CDS2: variants seen among roughly 807,000 people sequenced by gnomAD.
CDS2 encodes phosphatidate cytidylyltransferase 2.
Under a neutral mutation model 59.0 loss-of-function variants are expected in CDS2, and 47 were observed. The observed-to-expected ratio is 0.80, with a 90% CI of 0.63 to 1.02. The LOEUF is 1.02. CDS2 is among the 50% of genes least tolerant of loss of function. The pLI is 0.00. For synonymous variants in CDS2, 207 were observed against 206.4 expected (o/e 1.00, Z -0.02); for missense variants, 356 against 558.9 (o/e 0.64, Z 3.66).
chr20:5,182,254 T>C, intron 5 of CDS2, 133 bp from the exon 6 acceptor site: 2 of 597,944 alleles, frequency 3.3e-6, no homozygotes, highest in Non-Finnish European at 2.8e-6. Context: ...TTTTCTCCCC[T>C]GGGCTTTGAC....
rs11481738 is a variant in CDS2 at position 5,164,628 on chromosome 20, G to GAAA, written c.58-8883_58-8881dup. 1.1e-4 allele frequency among the ~76,000 whole-genome samples: 16 copies of GAAA among 142,814 alleles called. No homozygotes were observed. In the South Asian group the frequency reaches 3.1e-3, roughly 28 times the overall value. 93.7% of individuals were successfully genotyped at this position (142,814 alleles called of 152,430 possible). On this transcript the variant is annotated intron_variant, in intron 1 of 12. Coordinates refer to ENST00000460006, the MANE Select transcript of CDS2 (RefSeq NM_003818.4). Reference sequence around the variant, plus strand: ...TGGGAGAGCTTTATCTTAATAAACTGAAAAAAAAAAAAAATTCCTTCCTTC... The same window carrying GAAA: ...TGGGAGAGCTTTATCTTAATAAACTGAAAAAAAAAAAAAAAAATTCCTTCCTTC...
chr20:5,130,736 T>C (rs914917722), intron 1 of CDS2, among the ~76,000 whole-genome samples: 1 of 148,916 alleles, frequency 6.7e-6, no homozygotes, highest in Non-Finnish European at 1.5e-5. Flanking sequence ...TGAGCCGAGA[T>C]TGCGCCGTTG....
At chr20:5,134,025 A>G (rs2090628844) in intron 1 of CDS2, among the ~76,000 whole-genome samples, 1 of 152,238 alleles carries the variant, frequency 6.6e-6, no homozygotes, top group Non-Finnish European at 1.5e-5. Flanking sequence ...GTCTCAGAGT[A>G]AATGTGGAGA....
At position 5,144,673 on chromosome 20, in the gene CDS2, G is replaced by T. The variant is rs562998318; in HGVS notation, c.57+17524G>T. Among the ~76,000 whole-genome samples, 62 of 152,258 alleles carry T rather than the reference G, an allele frequency of 4.1e-4. 1 individual carries two copies. The highest frequency in any genetic ancestry group is 1.3e-3 in the African/African-American group (54 of 41,548). ...TCCTACATGTTTCTTTGTTAAAAAT[G>T]TTGAGTAAATTTTGAGACAAAATGT... On this transcript the variant is annotated intron_variant, in intron 1 of 12. Transcript: ENST00000460006.
At chr20:5,176,535 G>A in intron 3 of CDS2, 113 bp from the exon 4 acceptor site, 2 of 771,384 alleles carry the variant, frequency 2.6e-6, no homozygotes, top group East Asian at 4.9e-5. Context: ...ACCACTGGAG[G>A]CCCGATATTT....
chr20:5,175,856 C>G (rs1017705024), intron 3 of CDS2, among the ~76,000 whole-genome samples: 2 of 152,152 alleles, frequency 1.3e-5, no homozygotes, highest in Non-Finnish European at 2.9e-5. Flanking sequence ...CTGGGCATGT[C>G]TCTATATGAC....
Position 5,193,261 on chromosome 20 carries a change from A to G in CDS2, c.*3027A>G, listed in dbSNP as rs2091131925. The G allele has an allele frequency of 6.6e-6, 1 of 152,240 alleles. No homozygotes were observed. The highest frequency in any genetic ancestry group is 1.5e-5 in the Non-Finnish European group (1 of 68,052). The allele number at this position is 152,240 out of a possible 1,614,324, so 9.4% of individuals were successfully genotyped here. A position where few individuals can be genotyped will look rare whatever the true frequency, so the allele number is the denominator to read the frequency against. On this transcript the variant is annotated 3_prime_UTR_variant, in exon 13 of 13. Coordinates refer to ENST00000460006, the MANE Select transcript of CDS2 (RefSeq NM_003818.4). ...GAAACCCTCTTAGGCAACTTGTTTC[A>G]TATTCTGGGCATTTTAGTAGCTACA...
At chr20:5,183,319 A>T (rs952203311) in intron 7 of CDS2, 176 bp downstream of exon 7, 5 of 603,882 alleles carry the variant, frequency 8.3e-6, no homozygotes, top group Non-Finnish European at 6.0e-6. Context: ...GATCTGGGGT[A>T]GGCTTGAGAA....
intron 1 of CDS2, among the ~76,000 whole-genome samples, chr20:5,169,134 A>G (rs568968112): frequency 5.3e-5 from 8 of 152,006 alleles, no homozygotes; most frequent in African/African-American, 7.3e-5. Flanking sequence ...CAGCACTACA[A>G]CCCCCTTGGG....
At chr20:5,178,990 T>C in intron 5 of CDS2, 34 bp downstream of exon 5, 1 of 1,604,512 alleles carries the variant, frequency 6.2e-7, no homozygotes. Flanking sequence ...TTCTTGTGTC[T>C]GTATTGTTTT....
At chr20:5,167,500 C>G (rs919759910) in intron 1 of CDS2, among the ~76,000 whole-genome samples, 2 of 152,118 alleles carry the variant, frequency 1.3e-5, no homozygotes, top group African/African-American at 4.8e-5. Context: ...CAACAATATA[C>G]ACACACAAAT....
At position 5,163,786 on chromosome 20, in the gene CDS2, TCTTTC is replaced by T. The variant is rs1203108239; in HGVS notation, c.58-9736_58-9732del. 3.1e-3 allele frequency among the ~76,000 whole-genome samples: 408 copies of T among 133,170 alleles called. 2 individuals carry two copies. The highest frequency in any genetic ancestry group is 0.011 in the African/African-American group (383 of 36,086). The allele number at this position is 133,170 out of a possible 152,430, so 87.4% of individuals were successfully genotyped here. A position where few individuals can be genotyped will look rare whatever the true frequency, so the allele number is the denominator to read the frequency against. On this transcript the variant is annotated intron_variant, in intron 1 of 12. Transcript: ENST00000460006. ...AGCATTGTGGCTTTCATAATTTCTT[TCTTTC>T]TTTTTTTTTTTTTTTTTGAAGCAGA...
chr20:5,154,216 C>A (rs1363035612), intron 1 of CDS2, among the ~76,000 whole-genome samples: 1 of 152,232 alleles, frequency 6.6e-6, no homozygotes, highest in Non-Finnish European at 1.5e-5. Flanking sequence ...AGTCCCATAG[C>A]CCATACCTGG....
At chr20:5,134,133 C>T (rs2090629817) in intron 1 of CDS2, among the ~76,000 whole-genome samples, 1 of 152,206 alleles carries the variant, frequency 6.6e-6, no homozygotes, top group Admixed American at 6.5e-5. Context: ...TTTGTGAGCA[C>T]TTTCCTGGGA....
intron 11 of CDS2, 49 bp from the exon 12 acceptor site, chr20:5,189,686 G>T: frequency 2.2e-6 from 3 of 1,386,962 alleles, no homozygotes; most frequent in South Asian, 1.2e-5. Context: ...GGCTGGGATT[G>T]GTTAGTGGCT....
At chr20:5,183,205 C>A (rs936558004) in intron 7 of CDS2, 62 bp downstream of exon 7, 1 of 1,379,258 alleles carries the variant, frequency 7.3e-7, no homozygotes, top group Non-Finnish European at 1.0e-6. Context: ...TACAGATACC[C>A]CCCTCTAAGC....
chr20:5,134,530 T>A (rs2090632998), intron 1 of CDS2, among the ~76,000 whole-genome samples: 1 of 152,224 alleles, frequency 6.6e-6, no homozygotes, highest in Non-Finnish European at 1.5e-5. Flanking sequence ...TTTATCTATT[T>A]ATTTTTTGAG....
At chr20:5,158,416 C>T (rs1285743806) in intron 1 of CDS2, among the ~76,000 whole-genome samples, 1 of 152,124 alleles carries the variant, frequency 6.6e-6, no homozygotes, top group South Asian at 2.1e-4. Context: ...AAGTGATCTA[C>T]CTGCCTTGGC....
At chr20:5,140,604 A>G (rs748336076) in intron 1 of CDS2, among the ~76,000 whole-genome samples, 2 of 152,230 alleles carry the variant, frequency 1.3e-5, no homozygotes, top group African/African-American at 2.4e-5. Context: ...CCGAGGCATT[A>G]TCATTTCTTT....
Sources: allele counts gnomAD v4.1 joint callset (sites outside exome capture counted in the v4.1 genomes callset), GRCh38; gene constraint gnomAD v4.1.1; transcripts MANE v1.5; gene names NCBI Gene and HGNC (gene_info 2026-07-23, HGNC 2026-07-21).